The following FBN3 variants were observed in gnomAD, a reference collection of about 807,000 sequenced individuals.
FBN3 encodes fibrillin-3.
FBN3 carries 234 observed loss-of-function variants against 330.1 expected under a neutral mutation model. The ratio of observed to expected loss-of-function variants is 0.71; its 90% CI spans 0.64 to 0.79. FBN3 has a LOEUF of 0.79. FBN3 is among the 30% of genes least tolerant of loss of function. The pLI is 0.00. For missense variants in FBN3, 3,606 were observed against 3,886.9 expected (o/e 0.93, Z 1.92); for synonymous variants, 1,458 against 1,517.3 (o/e 0.96, Z 0.91).
chr19:8,071,037 A>C, intron 63 of FBN3, among the ~76,000 whole-genome samples: 1 of 151,792 alleles, frequency 6.6e-6, no homozygotes, highest in Non-Finnish European at 1.5e-5. Context: ...AAAAAAAAAA[A>C]AAATAGTGGC....
intron 38 of FBN3, 80 bp from the exon 39 acceptor site, chr19:8,103,767 C>T (rs2082380652): frequency 3.5e-6 from 5 of 1,412,846 alleles, no homozygotes; most frequent in Non-Finnish European, 3.9e-6. Context: ...AGAGACCCAG[C>T]AAGGCCACTT....
rs1207348514 is a variant in FBN3 at position 8,096,723 on chromosome 19, C to T, written c.5414-154G>A. On this transcript the variant is annotated intron_variant, in intron 43 of 63. Coordinates refer to ENST00000600128, the MANE Select transcript of FBN3 (RefSeq NM_032447.5). The surrounding 1 kb of genome is among the most constrained non-coding windows in gnomAD (Gnocchi z 4.6). Reference sequence around the variant, plus strand: ...GGCTGTCTGCATGGACCTGAGCTCTCACCTCTATCACATCCTATTAACAGA... The same window carrying T: ...GGCTGTCTGCATGGACCTGAGCTCTTACCTCTATCACATCCTATTAACAGA... Among the ~76,000 whole-genome samples, 1 of 152,164 alleles carries T rather than the reference C, an allele frequency of 6.6e-6. No homozygotes were observed. The highest frequency in any genetic ancestry group is 1.5e-5 in the Non-Finnish European group (1 of 68,032).
At chr19:8,099,598 T>TA (rs1568392982) in intron 41 of FBN3, among the ~76,000 whole-genome samples, 1 of 151,890 alleles carries the variant, frequency 6.6e-6, no homozygotes, top group African/African-American at 2.4e-5. Context: ...TTGATTTTTT[T>TA]AAAAAATAAG....
intron 47 of FBN3, 138 bp downstream of exon 47, chr19:8,094,308 A>C: frequency 2.3e-6 from 2 of 885,862 alleles, no homozygotes; most frequent in Non-Finnish European, 3.3e-6. Context: ...TGACAATAAT[A>C]GTTTATGAAG....
intron 46 of FBN3, 125 bp downstream of exon 46, chr19:8,095,250 T>G (rs1316043571): frequency 1.4e-5 from 15 of 1,100,832 alleles, no homozygotes; most frequent in African/African-American, 3.2e-5. Flanking sequence ...GGTATTTTTT[T>G]TTTTAAATCT....
intron 10 of FBN3, among the ~76,000 whole-genome samples, chr19:8,137,010 G>A (rs1304589954): frequency 1.4e-5 from 2 of 146,834 alleles, no homozygotes; most frequent in Admixed American, 6.8e-5. Flanking sequence ...CCTCCAACCT[G>A]AAGCCTAGAT....
chr19:8,077,344 G>T (rs939103672), intron 59 of FBN3, among the ~76,000 whole-genome samples: 1 of 152,156 alleles, frequency 6.6e-6, no homozygotes, highest in Admixed American at 6.6e-5. Flanking sequence ...TGGAGATGTA[G>T]AGTCTCTCTT....
intron 31 of FBN3, 62 bp downstream of exon 31, chr19:8,111,915 A>G: frequency 7.1e-6 from 1 of 140,688 alleles, no homozygotes; most frequent in South Asian, 1.5e-4. Flanking sequence ...CTTGCCCCCC[A>G]CCGCCTTGCC....
Position 8,073,030 on chromosome 19 carries a change from A to G in FBN3, c.7937+33T>C, listed in dbSNP as rs1468466944. On this transcript the variant is annotated intron_variant, in intron 62 of 63. Coordinates refer to ENST00000600128, the MANE Select transcript of FBN3 (RefSeq NM_032447.5). Reference sequence around the variant, plus strand: ...GTGCGTGCATGGACGCTTGCGGGGCATGGAGTCTGCTTGCCCCACTCCAGC... The same window carrying G: ...GTGCGTGCATGGACGCTTGCGGGGCGTGGAGTCTGCTTGCCCCACTCCAGC... The G allele has an allele frequency of 3.0e-6, 4 of 1,324,868 alleles. 1 individual carries two copies. Among genetic ancestry groups the G allele is most frequent in the African/African-American group, 3.1e-5 (2 of 65,342 alleles). 82.1% of individuals were successfully genotyped at this position (1,324,868 alleles called of 1,614,324 possible).
intron 10 of FBN3, among the ~76,000 whole-genome samples, chr19:8,137,213 C>CTAGATATCTCCAACCTGGGGCT (rs2083308505): frequency 6.6e-6 from 1 of 151,506 alleles, no homozygotes; most frequent in South Asian, 2.1e-4. Context: ...AACCTGGGGC[C>CTAGATATCTCCAACCTGGGGCT]TAGATATCTC....
chr19:8,093,927 G>A (rs1260238070), intron 47 of FBN3, among the ~76,000 whole-genome samples: 5 of 152,114 alleles, frequency 3.3e-5, no homozygotes, highest in Non-Finnish European at 5.9e-5. Context: ...GGTTAGCCCA[G>A]GCTAGCCCAT....
intron 13 of FBN3, among the ~76,000 whole-genome samples, chr19:8,135,313 T>C (rs1439823011): frequency 6.6e-6 from 1 of 151,902 alleles, no homozygotes; most frequent in African/African-American, 2.4e-5. Context: ...AGTCTCTCTC[T>C]GTCACCCACA....
At position 8,138,186 on chromosome 19, in the gene FBN3, C is replaced by G; in HGVS notation, c.1156G>C (p.Asp386His). 6.2e-7 allele frequency: 1 copy of G among 1,613,174 alleles called. No individual in the cohort carries two copies. The highest frequency in any genetic ancestry group is 8.5e-7 in the Non-Finnish European group (1 of 1,179,702). ...GPARLNPHGS[D>H]ARGIPSLGPG... Reference sequence around the variant, plus strand: ...CCCAGGCTGGGGATCCCACGCGCATCAGAGCCATGGGGGTTGAGTCGCGCT... The same window carrying G: ...CCCAGGCTGGGGATCCCACGCGCATGAGAGCCATGGGGGTTGAGTCGCGCT... The change falls in exon 10 of 64, where the codon GAT (aspartate) becomes CAT (histidine). Residue 386 changes from aspartate to histidine, a missense_variant. Coordinates refer to ENST00000600128, the MANE Select transcript of FBN3 (RefSeq NM_032447.5).
At chr19:8,085,843 G>A (rs2144655422) in intron 55 of FBN3, among the ~76,000 whole-genome samples, 1 of 152,140 alleles carries the variant, frequency 6.6e-6, no homozygotes, top group East Asian at 1.9e-4. Flanking sequence ...GTATTTAACA[G>A]AAGGGACAGA....
At chr19:8,075,253 C>T (rs993575178) in intron 60 of FBN3, 30 bp downstream of exon 60, 1 of 1,599,080 alleles carries the variant, frequency 6.3e-7, no homozygotes, top group Non-Finnish European at 8.5e-7. Flanking sequence ...CACCCCCAAA[C>T]ACTAGACCCC....
chr19:8,142,067 C>T lies in FBN3; in HGVS notation c.612G>A (p.Val204=). The change falls in exon 7 of 64, where the codon GTG becomes GTA. Residue 204 remains valine (V), a synonymous_variant. Coordinates refer to ENST00000600128, the MANE Select transcript of FBN3 (RefSeq NM_032447.5). ...EGCQHQLTGL[V]CTKALCCATV... is the part of the protein sequence containing the mutation. ...TGGCACAGCAAAGTGCCTTGGTGCACACGAGGCCCGTCAGCTGATGCTGGC... is the reference window on the plus strand; with the variant it reads ...TGGCACAGCAAAGTGCCTTGGTGCATACGAGGCCCGTCAGCTGATGCTGGC... The T allele has an allele frequency of 1.2e-6, 2 of 1,614,022 alleles. No homozygotes were observed. Among genetic ancestry groups the T allele is most frequent in the Non-Finnish European group, 1.7e-6 (2 of 1,179,940 alleles).
chr19:8,097,206 G>A (rs2082229730), intron 42 of FBN3, 83 bp downstream of exon 42: 1 of 1,531,974 alleles, frequency 6.5e-7, no homozygotes, highest in Admixed American at 1.9e-5. Context: ...GGCTTACAGA[G>A]TTTTAGTTAC....
At chr19:8,122,610 A>T (rs1248971260) in intron 24 of FBN3, among the ~76,000 whole-genome samples, 1 of 150,008 alleles carries the variant, frequency 6.7e-6, no homozygotes, top group Non-Finnish European at 1.5e-5. Flanking sequence ...CAAGTGATCC[A>T]TCTGCCTTGG....
intron 25 of FBN3, among the ~76,000 whole-genome samples, chr19:8,119,921 A>C (rs745798487): frequency 6.7e-6 from 1 of 148,648 alleles, no homozygotes; most frequent in Non-Finnish European, 1.5e-5. Flanking sequence ...CCTGTGTTCA[A>C]ACTATCCTCC....
Sources: gnomAD v4.1 joint callset for allele counts (sites outside exome capture counted in the v4.1 genomes callset) on GRCh38, gnomAD v4.1.1 for gene constraint, Gnocchi (gnomAD v3.1) non-coding constraint, MANE v1.5 for transcripts, NCBI Gene and HGNC (gene_info 2026-07-23, HGNC 2026-07-21) for gene names.